MTSS1: variants seen among roughly 807,000 people sequenced by gnomAD.
MTSS1 encodes the protein protein MTSS 1.
MTSS1 carries 18 observed loss-of-function variants against 79.0 expected under a neutral mutation model. The ratio of observed to expected loss-of-function variants is 0.23; its 90% CI spans 0.16 to 0.34. MTSS1 has a LOEUF of 0.34. Ranked by LOEUF, MTSS1 falls within the 10% of genes least tolerant of loss-of-function variation. The pLI, the probability that MTSS1 is intolerant of heterozygous loss-of-function variation, is 1.00. For missense variants in MTSS1, 815 were observed against 986.2 expected, an observed-to-expected ratio of 0.83 and a Z score of 2.33; for synonymous variants, 341 against 368.6, an observed-to-expected ratio of 0.93 and a Z score of 0.86.
chr8:124,568,202 TGAG>T (rs1324334780), intron 7 of MTSS1, 174 bp downstream of exon 7: 10 of 736,312 alleles, frequency 1.4e-5, no homozygotes, highest in Non-Finnish European at 1.9e-5. Context: ...GAACAGTGAA[TGAG>T]GAGTGAGCTA....
intron 1 of MTSS1, among the ~76,000 whole-genome samples, chr8:124,723,499 T>C (rs747246207): frequency 6.8e-5 from 6 of 88,516 alleles, no homozygotes; most frequent in Non-Finnish European, 1.3e-4. Flanking sequence ...TAAAGGGTTT[T>C]CACAAAAACT....
chr8:124,589,070 G>A lies in MTSS1; in HGVS notation c.385+550C>T, dbSNP rs149933799. Among the ~76,000 whole-genome samples the A allele has an allele frequency of 9.3e-3, 1,400 of 150,338 alleles. 23 individuals carry two copies. Among genetic ancestry groups the A allele is most frequent in the African/African-American group, 0.032 (1,316 of 40,772 alleles). The stretch of plus-strand genomic sequence containing the variant: ...TTTTGAGATGGAGTCTCACTCTGTC[G>A]TCCAGGCTGGAGTACAATGGTGCAA... On this transcript the variant is annotated intron_variant, in intron 5 of 13. Coordinates refer to ENST00000518547, the MANE Select transcript of MTSS1 (RefSeq NM_014751.6).
chr8:124,672,878 TAC>T (rs141195353), intron 3 of MTSS1, among the ~76,000 whole-genome samples: 6,966 of 150,404 alleles, frequency 0.046, 185 homozygotes, highest in East Asian at 0.066. Flanking sequence ...CACACATGCA[TAC>T]ACACACACAT....
chr8:124,564,687 T>TCATTCACACACACACA (rs1554639347), intron 9 of MTSS1: 4 of 47,352 alleles, frequency 8.4e-5, no homozygotes, highest in Admixed American at 1.8e-4. Context: ...GGTCTCTCTT[T>TCATTCACACACACACA]CACTCACACA....
At chr8:124,602,405 G>T (rs1435163540) in intron 3 of MTSS1, among the ~76,000 whole-genome samples, 2 of 151,736 alleles carry the variant, frequency 1.3e-5, no homozygotes, top group Non-Finnish European at 2.9e-5. Context: ...TCGCCATGTT[G>T]GCCAGGCTAG....
Position 124,678,130 on chromosome 8 carries a change from C to T in MTSS1, c.208+21396G>A, listed in dbSNP as rs116333735. ...GATCCCTCCCAAACCATGATCTCAG[C>T]TGATCCCCTTTCATCCACTGAATGC... On this transcript the variant is annotated intron_variant, in intron 3 of 13. Coordinates refer to ENST00000518547, the MANE Select transcript of MTSS1 (RefSeq NM_014751.6). 2.4e-3 allele frequency among the ~76,000 whole-genome samples: 364 copies of T among 152,274 alleles called. 1 individual carries two copies. The highest frequency in any genetic ancestry group is 8.5e-3 in the African/African-American group (353 of 41,562).
chr8:124,693,978 A>G (rs1016767197), intron 3 of MTSS1, among the ~76,000 whole-genome samples: 4 of 152,180 alleles, frequency 2.6e-5, no homozygotes, highest in African/African-American at 9.7e-5. Flanking sequence ...GAAGGGAAAT[A>G]TTTACTCAAG....
intron 3 of MTSS1, among the ~76,000 whole-genome samples, chr8:124,651,471 G>C (rs533056330): frequency 6.6e-6 from 1 of 151,802 alleles, no homozygotes; most frequent in South Asian, 2.1e-4. Context: ...TGGTGGGGGG[G>C]GAGGGGCATA....
intron 3 of MTSS1, among the ~76,000 whole-genome samples, chr8:124,593,627 A>G (rs914293974): frequency 3.3e-5 from 5 of 152,238 alleles, no homozygotes; most frequent in African/African-American, 1.2e-4. Flanking sequence ...TACAGCGCTT[A>G]GGATGTGCCA....
intron 3 of MTSS1, among the ~76,000 whole-genome samples, chr8:124,599,769 A>G: frequency 6.6e-6 from 1 of 151,998 alleles, no homozygotes; most frequent in East Asian, 1.9e-4. Flanking sequence ...CCTCTTTCCC[A>G]CACACTTGGA....
At chr8:124,618,546 T>C (rs1268613541) in intron 3 of MTSS1, among the ~76,000 whole-genome samples, 2 of 152,172 alleles carry the variant, frequency 1.3e-5, no homozygotes, top group Non-Finnish European at 2.9e-5. Context: ...AACATGCTGC[T>C]GAAACCACAC....
At chr8:124,658,319 T>C (rs1821356443) in intron 3 of MTSS1, among the ~76,000 whole-genome samples, 2 of 152,196 alleles carry the variant, frequency 1.3e-5, no homozygotes. Flanking sequence ...TGTTTTGATA[T>C]GGGGTTTCCG....
intron 3 of MTSS1, among the ~76,000 whole-genome samples, chr8:124,649,220 A>C (rs962630585): frequency 1.3e-5 from 2 of 152,200 alleles, no homozygotes; most frequent in South Asian, 4.1e-4. Flanking sequence ...TTTGCTCTAC[A>C]ATGGGAGTGT....
chr8:124,645,573 G>A (rs550011942), intron 3 of MTSS1, among the ~76,000 whole-genome samples: 22 of 152,144 alleles, frequency 1.4e-4, no homozygotes, highest in Admixed American at 7.2e-4. Flanking sequence ...ATATGTTTCC[G>A]CTGGGGTATC....
intron 3 of MTSS1, among the ~76,000 whole-genome samples, chr8:124,669,169 A>G (rs11774868): frequency 0.13 from 19,205 of 152,224 alleles, 1,667 homozygotes; most frequent in East Asian, 0.23. Context: ...GCATGATCAC[A>G]TGGTGCAATT....
At chr8:124,615,082 G>T (rs929675586) in intron 3 of MTSS1, among the ~76,000 whole-genome samples, 7 of 152,304 alleles carry the variant, frequency 4.6e-5, no homozygotes, top group Middle Eastern at 6.8e-3. Context: ...TGCAAAAAAG[G>T]CCTGGCAGTA....
intron 3 of MTSS1, among the ~76,000 whole-genome samples, chr8:124,696,946 T>C (rs114838301): frequency 6.6e-6 from 1 of 152,180 alleles, no homozygotes; most frequent in Non-Finnish European, 1.5e-5. Flanking sequence ...AAACTCCTAC[T>C]CTACCCCCAT....
At chr8:124,558,715 T>C (rs1252857777) in intron 10 of MTSS1, 1 of 1,557,884 alleles carries the variant, frequency 6.4e-7, no homozygotes, top group Admixed American at 1.8e-5. Context: ...GCGGTCACCT[T>C]CTCTGTGGAC....
intron 10 of MTSS1, chr8:124,558,934 G>A: frequency 7.2e-7 from 1 of 1,391,928 alleles, no homozygotes; most frequent in Non-Finnish European, 9.5e-7. Context: ...GAGTGGGGAA[G>A]GGCACACACA....
Sources: allele counts gnomAD v4.1 joint callset (sites outside exome capture counted in the v4.1 genomes callset), GRCh38; gene constraint gnomAD v4.1.1; transcripts MANE v1.5; gene names NCBI Gene and HGNC (gene_info 2026-07-23, HGNC 2026-07-21).